PEPD: variants seen among roughly 807,000 people sequenced by gnomAD.
PEPD encodes the protein xaa-Pro dipeptidase.
PEPD carries 53 observed loss-of-function variants against 60.7 expected under a neutral mutation model. That is an observed-to-expected ratio of 0.87 (90% CI 0.70 to 1.10). The LOEUF is 1.10. Among genes scored for constraint, PEPD ranks in the 50% least tolerant of loss-of-function variants. The pLI is 0.00. For missense variants in PEPD, 711 were observed against 711.9 expected, an observed-to-expected ratio of 1.00 and a Z score of 0.01; for synonymous variants, 267 against 284.1, an observed-to-expected ratio of 0.94 and a Z score of 0.60.
At chr19:33,423,032 C>T (rs1283337385) in intron 9 of PEPD, among the ~76,000 whole-genome samples, 1 of 151,820 alleles carries the variant, frequency 6.6e-6, no homozygotes, top group Non-Finnish European at 1.5e-5. Flanking sequence ...ATCATCCTAT[C>T]TATCCATCCA....
intron 5 of PEPD, among the ~76,000 whole-genome samples, chr19:33,491,192 C>T (rs187283511): frequency 2.5e-4 from 38 of 152,136 alleles, no homozygotes; most frequent in African/African-American, 7.9e-4. Context: ...CGGTGGCTCA[C>T]GCCTGTAATC....
At chr19:33,483,927 G>A (rs1970353372) in intron 6 of PEPD, among the ~76,000 whole-genome samples, 2 of 152,158 alleles carry the variant, frequency 1.3e-5, no homozygotes, top group South Asian at 4.1e-4. Context: ...TGCCAGCCAG[G>A]GACCCTCCAT....
At chr19:33,459,964 A>G (rs967477338) in intron 9 of PEPD, among the ~76,000 whole-genome samples, 1 of 152,150 alleles carries the variant, frequency 6.6e-6, no homozygotes, top group African/African-American at 2.4e-5. Context: ...CTGTCAACAC[A>G]TATAGAAGAG....
chr19:33,417,318 T>G (rs147585427), intron 9 of PEPD, among the ~76,000 whole-genome samples: 2,130 of 152,092 alleles, frequency 0.014, 28 homozygotes, highest in Non-Finnish European at 0.017. Context: ...GGAGTGAAAA[T>G]GCGCAGAGCT....
At chr19:33,493,452 A>T in intron 4 of PEPD, 115 bp from the exon 5 acceptor site, 1 of 799,444 alleles carries the variant, frequency 1.3e-6, no homozygotes, top group East Asian at 2.6e-5. Context: ...TCATTAGAAC[A>T]GGCGACGTGG....
At chr19:33,490,979 A>T (rs932561000) in intron 5 of PEPD, among the ~76,000 whole-genome samples, 1 of 152,008 alleles carries the variant, frequency 6.6e-6, no homozygotes, top group Non-Finnish European at 1.5e-5. Flanking sequence ...AGGCATTTTA[A>T]ATCACCATTT....
intron 9 of PEPD, among the ~76,000 whole-genome samples, chr19:33,427,421 CAGCAGGA>C (rs1969174276): frequency 6.6e-6 from 1 of 152,232 alleles, no homozygotes; most frequent in Admixed American, 6.5e-5. Flanking sequence ...TCCCCACCTG[CAGCAGGA>C]TGTCCACTTT....
At chr19:33,434,303 C>CA (rs1367452664) in intron 9 of PEPD, among the ~76,000 whole-genome samples, 1 of 152,156 alleles carries the variant, frequency 6.6e-6, no homozygotes, top group East Asian at 1.9e-4. Context: ...CATGTGTCTC[C>CA]GGTGCACATG....
At chr19:33,497,755 G>A (rs1970634541) in intron 4 of PEPD, among the ~76,000 whole-genome samples, 1 of 152,164 alleles carries the variant, frequency 6.6e-6, no homozygotes, top group African/African-American at 2.4e-5. Flanking sequence ...GGTACCTCAA[G>A]CAACCTGGGA....
intron 3 of PEPD, among the ~76,000 whole-genome samples, chr19:33,508,241 T>G (rs922658352): frequency 1.3e-5 from 2 of 151,884 alleles, no homozygotes; most frequent in African/African-American, 4.8e-5. Flanking sequence ...GGCAGCCAGG[T>G]CAAAACTGCA....
intron 9 of PEPD, among the ~76,000 whole-genome samples, chr19:33,428,931 G>A (rs1969212260): frequency 1.3e-5 from 2 of 152,218 alleles, no homozygotes; most frequent in Admixed American, 1.3e-4. Context: ...TCCACAGGCA[G>A]CCGAAACCCT....
intron 7 of PEPD, 87 bp downstream of exon 7, chr19:33,477,959 G>T: frequency 2.3e-6 from 2 of 885,440 alleles, no homozygotes; most frequent in Non-Finnish European, 3.8e-6. Flanking sequence ...GGGGCTCTCT[G>T]AGACGGTGTG....
rs571675478 is a variant in PEPD, at chr19:33,505,647, AAACACAC to A, written c.330-4653_330-4647del. Among the ~76,000 whole-genome samples, 523 of 151,880 alleles carry A rather than the reference AAACACAC, an allele frequency of 3.4e-3. 1 individual carries two copies. Among genetic ancestry groups the A allele is most frequent in the African/African-American group, 9.0e-3 (374 of 41,372 alleles). The stretch of plus-strand genomic sequence containing the variant: ...ACACTTAGTGGGGCAGAGCTGGGAA[AAACACAC>A]AACACACAACACACAACACACCCTC... On this transcript the variant is annotated intron_variant, in intron 3 of 14. Coordinates refer to ENST00000244137, the MANE Select transcript of PEPD (RefSeq NM_000285.4).
chr19:33,496,263 T>C (rs1368044554), intron 4 of PEPD, among the ~76,000 whole-genome samples: 3 of 152,096 alleles, frequency 2.0e-5, no homozygotes, highest in Non-Finnish European at 4.4e-5. Context: ...TGATGGTTTT[T>C]CTCCGGGCGA....
chr19:33,521,621 G>T, intron 1 of PEPD, 123 bp downstream of exon 1: 1 of 1,094,370 alleles, frequency 9.1e-7, no homozygotes, highest in South Asian at 1.3e-5. Context: ...CCGGGCCAAC[G>T]GGAAGAGGCG....
chr19:33,443,617 T>C (rs905618444), intron 9 of PEPD, among the ~76,000 whole-genome samples: 2 of 151,602 alleles, frequency 1.3e-5, no homozygotes, highest in Non-Finnish European at 2.9e-5. Context: ...TAAAAACAAG[T>C]CAAAGATAGG....
At chr19:33,505,307 G>A (rs1970778734) in intron 3 of PEPD, among the ~76,000 whole-genome samples, 1 of 152,090 alleles carries the variant, frequency 6.6e-6, no homozygotes, top group Non-Finnish European at 1.5e-5. Context: ...GCAGCCATCT[G>A]AGGATGTTAG....
chr19:33,478,018 A>T (rs780762135), intron 7 of PEPD, 28 bp downstream of exon 7: 1 of 1,561,180 alleles, frequency 6.4e-7, no homozygotes, highest in Non-Finnish European at 8.8e-7. Context: ...CACAACAAAC[A>T]GGCAAGGTGA....
chr19:33,474,196 G>A (rs1175651907), intron 7 of PEPD, among the ~76,000 whole-genome samples: 1 of 152,206 alleles, frequency 6.6e-6, no homozygotes, highest in Admixed American at 6.5e-5. Context: ...AGTGAGCTGG[G>A]AGGATGACTG....
Sources: gnomAD v4.1 joint callset for allele counts (sites outside exome capture counted in the v4.1 genomes callset) on GRCh38, gnomAD v4.1.1 for gene constraint, MANE v1.5 for transcripts, NCBI Gene and HGNC (gene_info 2026-07-23, HGNC 2026-07-21) for gene names.